Variants in AGBL4 observed in about 807,000 individuals in gnomAD.
AGBL4 encodes the protein AGBL carboxypeptidase 4.
AGBL4 carries 58 observed loss-of-function variants against 66.4 expected under a neutral mutation model. That is an observed-to-expected ratio of 0.87 (90% CI 0.71 to 1.09). The LOEUF (loss-of-function observed/expected upper bound fraction) is 1.09, where lower values mean the gene tolerates loss of function less well. Ranked by LOEUF, AGBL4 falls within the 50% of genes least tolerant of loss-of-function variation. The probability of loss-of-function intolerance (pLI) is 0.00; values close to 1 mark genes in which losing one functional copy is unlikely to be tolerated. For missense variants in AGBL4, 579 were observed against 631.0 expected (o/e 0.92, Z 0.88); for synonymous variants, 234 against 222.9 (o/e 1.05, Z -0.44).
At chr1:49,879,931 C>G (rs1250451792) in intron 1 of AGBL4, among the ~76,000 whole-genome samples, 1 of 141,900 alleles carries the variant, frequency 7.0e-6, no homozygotes, top group African/African-American at 2.7e-5. Context: ...TTGCTGATAC[C>G]CTTTCTTCCA....
At chr1:48,526,193 C>T in the AGBL4 span, among the ~76,000 whole-genome samples, 1 of 152,142 alleles carries the variant, frequency 6.6e-6, no homozygotes, top group African/African-American at 2.4e-5. Flanking sequence ...GAGGTGGAGG[C>T]TTTTTATAAC....
intron 4 of AGBL4, among the ~76,000 whole-genome samples, chr1:49,137,771 C>A (rs1049889086): frequency 6.6e-6 from 1 of 152,108 alleles, no homozygotes; most frequent in African/African-American, 2.4e-5. Flanking sequence ...ACCTCTGTAA[C>A]TTCTTTGCTA....
At chr1:48,899,421 G>GT (rs113628909) in intron 5 of AGBL4, among the ~76,000 whole-genome samples, 74,710 of 148,966 alleles carry the variant, frequency 0.5, 21,115 homozygotes, top group Non-Finnish European at 0.66. Context: ...TAAGTTAATA[G>GT]TTTTTTTTTT....
chr1:49,941,546 T>G (rs962143923), intron 1 of AGBL4, among the ~76,000 whole-genome samples: 1 of 152,032 alleles, frequency 6.6e-6, no homozygotes, highest in African/African-American at 2.4e-5. Context: ...CAAGTTGGCT[T>G]TATAACTAGG....
intron 4 of AGBL4, among the ~76,000 whole-genome samples, chr1:49,057,422 A>G (rs1644327170): frequency 6.6e-6 from 1 of 152,164 alleles, no homozygotes; most frequent in African/African-American, 2.4e-5. Context: ...TCTCAAAACA[A>G]AAAAGAAAAA....
chr1:49,534,943 G>A (rs914071157), intron 3 of AGBL4, among the ~76,000 whole-genome samples: 1 of 152,176 alleles, frequency 6.6e-6, no homozygotes, highest in Non-Finnish European at 1.5e-5. Flanking sequence ...TACTAAAATT[G>A]GAAATAACCT....
intron 4 of AGBL4, among the ~76,000 whole-genome samples, chr1:49,124,522 C>A (rs183383382): frequency 9.4e-4 from 143 of 152,308 alleles, no homozygotes; most frequent in African/African-American, 3.2e-3. Context: ...AGAGGCTTTA[C>A]AAGGGCAGCA....
intron 7 of AGBL4, among the ~76,000 whole-genome samples, chr1:48,656,557 G>A (rs1018667230): frequency 6.6e-6 from 1 of 152,166 alleles, no homozygotes; most frequent in Non-Finnish European, 1.5e-5. Context: ...ACTCAGCAGG[G>A]GCCTGGGGCC....
chr1:48,623,158 G>A (rs2170907), intron 9 of AGBL4, among the ~76,000 whole-genome samples: 2 of 152,166 alleles, frequency 1.3e-5, no homozygotes, highest in African/African-American at 2.4e-5. Flanking sequence ...TTGTGTTCTA[G>A]CATACAATGC....
chr1:49,831,819 AG>A (rs1557491300), intron 2 of AGBL4, among the ~76,000 whole-genome samples: 1 of 152,066 alleles, frequency 6.6e-6, no homozygotes, highest in African/African-American at 2.4e-5. Context: ...TTTAGCATTA[AG>A]GGGTGTTGAA....
At chr1:48,995,546 G>C (rs535662595) in intron 5 of AGBL4, among the ~76,000 whole-genome samples, 1 of 152,328 alleles carries the variant, frequency 6.6e-6, no homozygotes, top group South Asian at 2.1e-4. Context: ...AATAAGTTCA[G>C]CTACTAATAC....
chr1:49,375,824 T>G (rs781691580), intron 3 of AGBL4, among the ~76,000 whole-genome samples: 3 of 152,084 alleles, frequency 2.0e-5, no homozygotes, highest in Admixed American at 1.3e-4. Context: ...TGCCACTCAA[T>G]GAGGCTATTT....
intron 3 of AGBL4, among the ~76,000 whole-genome samples, chr1:49,624,540 G>C (rs1645429531): frequency 6.6e-6 from 1 of 152,190 alleles, no homozygotes; most frequent in Non-Finnish European, 1.5e-5. Context: ...GAAGTCACTT[G>C]GTAAAATTTC....
At chr1:48,969,276 C>G in intron 5 of AGBL4, among the ~76,000 whole-genome samples, 1 of 152,108 alleles carries the variant, frequency 6.6e-6, no homozygotes, top group East Asian at 1.9e-4. Flanking sequence ...ATGGCCAGCT[C>G]TCTGGGCCTT....
chr1:49,881,020 G>C (rs915213598), intron 1 of AGBL4, among the ~76,000 whole-genome samples: 1 of 152,048 alleles, frequency 6.6e-6, no homozygotes, highest in Non-Finnish European at 1.5e-5. Flanking sequence ...GCTTAGGCTC[G>C]CGCACAGTGC....
At chr1:49,187,486 T>C (rs910443463) in intron 4 of AGBL4, 2 of 152,192 alleles carry the variant, frequency 1.3e-5, no homozygotes, top group African/African-American at 4.8e-5. Flanking sequence ...GGCTCCACAC[T>C]GACAATAATA....
In AGBL4 at chr1:48,667,570, A is replaced by T. The variant is rs552112477; in HGVS notation, c.635-4329T>A. Among the ~76,000 whole-genome samples the T allele has an allele frequency of 3.3e-5, 5 of 152,390 alleles. No homozygotes were observed. The South Asian group carries it at 1.0e-3, about 32-fold the overall frequency. ...ATTCTTGACCCACAGAAATGGAGAC[A>T]TAATAAATATTTGCTGTTTCAAGAT... is the stretch of plus-strand genomic sequence containing the variant. On this transcript the variant is annotated intron_variant, in intron 6 of 13. Coordinates refer to ENST00000371839, the MANE Select transcript of AGBL4 (RefSeq NM_032785.4).
intron 11 of AGBL4, among the ~76,000 whole-genome samples, chr1:48,574,512 T>G (rs1644617819): frequency 6.6e-6 from 1 of 151,792 alleles, no homozygotes; most frequent in African/African-American, 2.4e-5. Flanking sequence ...ACCATAAAAA[T>G]ATGTATATTT....
chr1:48,924,467 C>T (rs1358729367), intron 5 of AGBL4, among the ~76,000 whole-genome samples: 1 of 152,098 alleles, frequency 6.6e-6, no homozygotes, highest in Non-Finnish European at 1.5e-5. Flanking sequence ...TTGCTCATCT[C>T]TGTATTTCTG....
Sources: allele counts gnomAD v4.1 joint callset (sites outside exome capture counted in the v4.1 genomes callset), GRCh38; gene constraint gnomAD v4.1.1; transcripts MANE v1.5; gene names NCBI Gene and HGNC (gene_info 2026-07-23, HGNC 2026-07-21).